The following GABRA2 variants were observed in gnomAD, a reference collection of about 807,000 sequenced individuals.
GABRA2 encodes gamma-aminobutyric acid type A receptor subunit alpha2, also known as gamma-aminobutyric acid receptor subunit alpha-2.
In GABRA2, 16 loss-of-function variants were observed where a neutral mutation model predicts 48.7. That is an observed-to-expected ratio of 0.33 (90% confidence interval 0.22 to 0.50). The LOEUF is 0.50. Ranked by LOEUF, GABRA2 falls within the 20% of genes least tolerant of loss-of-function variation. GABRA2 has a pLI of 0.98. For synonymous variants in GABRA2, 185 were observed against 184.5 expected (o/e 1.00, Z -0.02); for missense variants, 275 against 535.6 (o/e 0.51, Z 4.80).
chr4:46,306,785 T>C (rs1334353114), intron 6 of GABRA2, among the ~76,000 whole-genome samples: 2 of 152,186 alleles, frequency 1.3e-5, no homozygotes, highest in Non-Finnish European at 2.9e-5. Flanking sequence ...CTGCAATCTA[T>C]AACTTTCCTA....
intron 3 of GABRA2, among the ~76,000 whole-genome samples, chr4:46,337,202 A>T (rs1037803870): frequency 3.3e-5 from 5 of 152,148 alleles, no homozygotes; most frequent in Non-Finnish European, 4.4e-5. Context: ...AACCAAAAAG[A>T]CAGTATCTCA....
intron 2 of GABRA2, among the ~76,000 whole-genome samples, chr4:46,388,226 A>C (rs1447579450): frequency 2.0e-5 from 3 of 152,130 alleles, no homozygotes; most frequent in Non-Finnish European, 4.4e-5. Flanking sequence ...CATTAAAAAA[A>C]GAAAAGAAAA....
Position 46,266,718 on chromosome 4 carries a change from C to CTTTTTTT in GABRA2, c.857-4597_857-4591dup, listed in dbSNP as rs35380341. ...TAGCCACCATGTCTTCAAATATTCTCTTTTTTTTTTTTTTTTTTTTTGAGA... is the reference window on the plus strand; with the variant it reads ...TAGCCACCATGTCTTCAAATATTCTCTTTTTTTTTTTTTTTTTTTTTTTTTTTTGAGA... On this transcript the variant is annotated intron_variant, in intron 8 of 9. Coordinates refer to ENST00000381620, the MANE Select transcript of GABRA2 (RefSeq NM_000807.4). Among the ~76,000 whole-genome samples the CTTTTTTT allele has an allele frequency of 4.2e-4, 39 of 92,824 alleles. 1 individual carries two copies. Among genetic ancestry groups the CTTTTTTT allele is most frequent in the Middle Eastern group, 8.2e-3 (1 of 122 alleles). 60.9% of individuals were successfully genotyped at this position (92,824 alleles called of 152,430 possible). A position where few individuals can be genotyped will look rare whatever the true frequency, so the allele number is the denominator to read the frequency against.
chr4:46,264,028 T>G (rs1021967679), intron 8 of GABRA2, among the ~76,000 whole-genome samples: 1 of 151,996 alleles, frequency 6.6e-6, no homozygotes, highest in Non-Finnish European at 1.5e-5. Context: ...TTTCAGTGTA[T>G]AAGTCTTTCA....
chr4:46,267,944 T>C (rs928592824), intron 8 of GABRA2, among the ~76,000 whole-genome samples: 2 of 151,998 alleles, frequency 1.3e-5, no homozygotes, highest in Admixed American at 1.3e-4. Context: ...GCTGAACCAG[T>C]ATGTATTCTA....
chr4:46,266,879 G>A (rs571480528), intron 8 of GABRA2, among the ~76,000 whole-genome samples: 3 of 151,504 alleles, frequency 2.0e-5, no homozygotes, highest in Non-Finnish European at 4.4e-5. Context: ...GCACCACCAC[G>A]TCCAGCTTAT....
In GABRA2 at chr4:46,246,922, G is replaced by C. The variant is rs1264120960; in HGVS notation, c.*3386C>G. On this transcript the variant is annotated 3_prime_UTR_variant, in exon 10 of 10. Transcript: ENST00000381620. ...CGGCCATGCCAAAGAAAAGTACTTT[G>C]GTGCTCTTCTGGAATCCATGATTAT... Among the ~76,000 whole-genome samples the C allele has an allele frequency of 2.7e-5, 4 of 150,896 alleles. No individual in the cohort carries two copies. The highest frequency in any genetic ancestry group is 9.7e-5 in the African/African-American group (4 of 41,246).
intron 3 of GABRA2, among the ~76,000 whole-genome samples, chr4:46,356,291 T>C (rs1450235342): frequency 6.6e-6 from 1 of 152,140 alleles, no homozygotes; most frequent in African/African-American, 2.4e-5. Context: ...CCTCCCTCTA[T>C]GGATTTACCA....
At chr4:46,330,722 G>A (rs1212380557) in intron 4 of GABRA2, among the ~76,000 whole-genome samples, 1 of 151,714 alleles carries the variant, frequency 6.6e-6, no homozygotes, top group East Asian at 1.9e-4. Context: ...AAAATGTACT[G>A]ATATTTGGGA....
chr4:46,323,522 A>C (rs1436083378), intron 4 of GABRA2, among the ~76,000 whole-genome samples: 1 of 151,812 alleles, frequency 6.6e-6, no homozygotes, highest in Non-Finnish European at 1.5e-5. Context: ...AAAATGGACT[A>C]TTTTCCTTAG....
At chr4:46,288,351 C>G (rs1722953353) in intron 8 of GABRA2, among the ~76,000 whole-genome samples, 1 of 152,066 alleles carries the variant, frequency 6.6e-6, no homozygotes, top group African/African-American at 2.4e-5. Context: ...GCTTAAGGAG[C>G]TTTTGAGCTG....
chr4:46,356,981 G>GT (rs141407741), intron 3 of GABRA2, among the ~76,000 whole-genome samples: 3,262 of 146,226 alleles, frequency 0.022, 116 homozygotes, highest in African/African-American at 0.074. Flanking sequence ...TTCTGGGTTT[G>GT]TTTTTTTTTT....
intron 3 of GABRA2, among the ~76,000 whole-genome samples, chr4:46,375,376 T>C (rs541341804): frequency 3.7e-3 from 556 of 152,326 alleles, no homozygotes; most frequent in Non-Finnish European, 6.4e-3. Flanking sequence ...GAAATAATTC[T>C]CATCATATAA....
chr4:46,270,797 G>A (rs1286873477), intron 8 of GABRA2, among the ~76,000 whole-genome samples: 1 of 151,854 alleles, frequency 6.6e-6, no homozygotes, highest in Non-Finnish European at 1.5e-5. Context: ...CTGAGCAAAT[G>A]ATGTCCAAGC....
chr4:46,247,212 A>T lies in GABRA2; in HGVS notation c.*3096T>A, dbSNP rs945473591. On this transcript the variant is annotated 3_prime_UTR_variant, in exon 10 of 10. Coordinates refer to ENST00000381620, the MANE Select transcript of GABRA2 (RefSeq NM_000807.4). The stretch of plus-strand genomic sequence containing the variant: ...TTAATAAAATCATTAAAATTTAAAA[A>T]ATATATATTAAATGGTTATATTTCT... Among the ~76,000 whole-genome samples, 9 of 151,204 alleles carry T rather than the reference A, an allele frequency of 6.0e-5. No individual in the cohort carries two copies. The highest frequency in any genetic ancestry group is 1.2e-4 in the African/African-American group (5 of 41,352).
At chr4:46,327,805 GC>G (rs1730645480) in intron 4 of GABRA2, among the ~76,000 whole-genome samples, 1 of 152,000 alleles carries the variant, frequency 6.6e-6, no homozygotes, top group Admixed American at 6.6e-5. Context: ...TTACCAGACT[GC>G]CTGCTTCTTA....
chr4:46,286,140 CT>C (rs146879371), intron 8 of GABRA2, among the ~76,000 whole-genome samples: 2,493 of 152,084 alleles, frequency 0.016, 79 homozygotes, highest in African/African-American at 0.057. Context: ...CTGGCAACCA[CT>C]GAACCATTTC....
At chr4:46,318,006 A>G (rs1237055195) in intron 4 of GABRA2, among the ~76,000 whole-genome samples, 1 of 151,704 alleles carries the variant, frequency 6.6e-6, no homozygotes, top group African/African-American at 2.4e-5. Flanking sequence ...AAATATGAAC[A>G]TCATAATTCA....
At chr4:46,389,651 T>G in intron 1 of GABRA2, 84 bp downstream of exon 1, 1 of 779,274 alleles carries the variant, frequency 1.3e-6, no homozygotes, top group African/African-American at 1.9e-5. Flanking sequence ...CCTCTGAAAG[T>G]GGGGTGGGGG....
Sources: gnomAD v4.1 joint callset for allele counts (sites outside exome capture counted in the v4.1 genomes callset) on GRCh38, gnomAD v4.1.1 for gene constraint, MANE v1.5 for transcripts, NCBI Gene and HGNC (gene_info 2026-07-23, HGNC 2026-07-21) for gene names.